The following WWC1 variants were observed in gnomAD, a reference collection of about 807,000 sequenced individuals.
The protein encoded by WWC1 is WW and C2 domain containing 1.
In WWC1, 55 loss-of-function variants were observed where a neutral mutation model predicts 138.4. The ratio of observed to expected loss-of-function variants is 0.40; its 90% confidence interval spans 0.32 to 0.50. The LOEUF (loss-of-function observed/expected upper bound fraction) is 0.50. WWC1 is among the 20% of genes least tolerant of loss of function. WWC1 has a pLI of 0.72. For missense variants in WWC1, 1,226 were observed against 1,420.4 expected, an observed-to-expected ratio of 0.86 and a Z score of 2.20; for synonymous variants, 524 against 564.9, an observed-to-expected ratio of 0.93 and a Z score of 1.03.
intron 1 of WWC1, among the ~76,000 whole-genome samples, chr5:168,313,130 T>A (rs549347171): frequency 2.2e-5 from 3 of 137,220 alleles, no homozygotes; most frequent in Non-Finnish European, 3.3e-5. Flanking sequence ...TTCTCAGAAC[T>A]TTGAAAGTAA....
At chr5:168,434,102 G>A (rs1782154062) in intron 15 of WWC1, among the ~76,000 whole-genome samples, 1 of 152,252 alleles carries the variant, frequency 6.6e-6, no homozygotes, top group South Asian at 2.1e-4. Context: ...CTCCAGCGAA[G>A]CATTCCCTTG....
chr5:168,333,025 A>T (rs913341498), intron 1 of WWC1, among the ~76,000 whole-genome samples: 2 of 152,112 alleles, frequency 1.3e-5, no homozygotes, highest in African/African-American at 4.8e-5. Context: ...CACTTTTATT[A>T]AAAATGGTGG....
At chr5:168,434,796 C>T (rs758325970) in intron 15 of WWC1, among the ~76,000 whole-genome samples, 2 of 152,240 alleles carry the variant, frequency 1.3e-5, no homozygotes, top group Non-Finnish European at 2.9e-5. Flanking sequence ...CACAGGGAGC[C>T]TAGTTGCCCA....
intron 5 of WWC1, among the ~76,000 whole-genome samples, chr5:168,400,025 A>G (rs1032275317): frequency 6.6e-6 from 1 of 152,170 alleles, no homozygotes; most frequent in East Asian, 1.9e-4. Context: ...GCAAAAACCA[A>G]TTACTAGAAA....
chr5:168,372,528 G>T (rs1300712486), intron 2 of WWC1, among the ~76,000 whole-genome samples: 1 of 152,208 alleles, frequency 6.6e-6, no homozygotes, highest in African/African-American at 2.4e-5. Flanking sequence ...TGAGCACACA[G>T]TCTGTGCCGT....
At chr5:168,297,550 C>T (rs927562041) in intron 1 of WWC1, among the ~76,000 whole-genome samples, 67 of 148,134 alleles carry the variant, frequency 4.5e-4, no homozygotes, top group Admixed American at 3.7e-3. Context: ...CGCTTGAATC[C>T]GGGAGGTGGA....
intron 1 of WWC1, among the ~76,000 whole-genome samples, chr5:168,349,873 C>T (rs1273753314): frequency 1.3e-5 from 2 of 152,132 alleles, no homozygotes; most frequent in African/African-American, 2.4e-5. Context: ...CTTAAGTAAC[C>T]GTTTGTTTCC....
chr5:168,428,670 A>G (rs1387002005), intron 12 of WWC1, 37 bp from the exon 13 acceptor site: 2 of 1,604,018 alleles, frequency 1.2e-6, no homozygotes, highest in Non-Finnish European at 1.7e-6. Flanking sequence ...TGTTCACTGT[A>G]GGGAAGCCTA....
At chr5:168,381,855 A>G (rs1777660636) in intron 2 of WWC1, among the ~76,000 whole-genome samples, 1 of 150,628 alleles carries the variant, frequency 6.6e-6, no homozygotes, top group Non-Finnish European at 1.5e-5. Context: ...AAAAAAAAAA[A>G]GCAATTTCAC....
intron 1 of WWC1, among the ~76,000 whole-genome samples, chr5:168,366,568 A>AT (rs777416825): frequency 2.0e-5 from 3 of 152,170 alleles, no homozygotes; most frequent in Non-Finnish European, 4.4e-5. Flanking sequence ...TGCAAGTGGA[A>AT]TCAGCATTGT....
chr5:168,344,303 G>A (rs1383967618), intron 1 of WWC1, among the ~76,000 whole-genome samples: 1 of 152,182 alleles, frequency 6.6e-6, no homozygotes, highest in Non-Finnish European at 1.5e-5. Flanking sequence ...TGTCTTCCCT[G>A]TGCTTGAGAG....
chr5:168,303,693 A>G (rs1322607616), intron 1 of WWC1, among the ~76,000 whole-genome samples: 1 of 152,162 alleles, frequency 6.6e-6, no homozygotes, highest in African/African-American at 2.4e-5. Context: ...TAGAATGTAT[A>G]GAATTTGTAT....
chr5:168,298,688 C>T (rs954899748), intron 1 of WWC1, among the ~76,000 whole-genome samples: 3 of 152,216 alleles, frequency 2.0e-5, no homozygotes, highest in African/African-American at 7.2e-5. Flanking sequence ...TGTTTACTCT[C>T]TGCTGCCCAC....
At chr5:168,402,877 G>A (rs1442373871) in intron 5 of WWC1, among the ~76,000 whole-genome samples, 2 of 152,038 alleles carry the variant, frequency 1.3e-5, no homozygotes, top group Non-Finnish European at 2.9e-5. Flanking sequence ...CTACTTCTGT[G>A]CCTACCCTGC....
Position 168,422,064 on chromosome 5 carries a change from G to A in WWC1, c.1241G>A (p.Arg414Gln), listed in dbSNP as rs564559426. Residue 414 changes from arginine (R) to glutamine (Q), a missense_variant, in exon 10 of 23, where the codon CGG becomes CAG. Arg to Gln is a conservative substitution (Grantham distance 43). Around this residue, in one of 3 missense-constraint regions of WWC1, gnomAD observed 1,016 missense variants for 1,153.9 expected, o/e 0.88. Transcript: ENST00000265293. ...QLVRELEEAT[R>Q]QVATLHSQLK... is the part of the protein sequence containing the mutation. ...GTGAGAGAACTGGAGGAAGCCACCC[G>A]GCAGGTGGCAACTCTGCACTCCCAG... 2.7e-5 allele frequency: 44 copies of A among 1,612,684 alleles called. No homozygotes were observed. Among genetic ancestry groups the A allele is most frequent in the South Asian group, 3.3e-5 (3 of 90,840 alleles).
chr5:168,408,243 CA>C (rs375573554), intron 6 of WWC1, among the ~76,000 whole-genome samples: 28 of 152,174 alleles, frequency 1.8e-4, no homozygotes, highest in African/African-American at 6.7e-4. Flanking sequence ...TGGGAAGCAG[CA>C]GAGCAGGGAT....
chr5:168,296,596 G>C (rs924128194), intron 1 of WWC1, among the ~76,000 whole-genome samples: 1 of 152,186 alleles, frequency 6.6e-6, no homozygotes, highest in African/African-American at 2.4e-5. Flanking sequence ...AAGGCCTCCT[G>C]TTTAGCTAGG....
intron 1 of WWC1, among the ~76,000 whole-genome samples, chr5:168,357,514 G>T (rs557878294): frequency 3.3e-5 from 5 of 150,942 alleles, no homozygotes; most frequent in Non-Finnish European, 7.4e-5. Flanking sequence ...ACGCATGCAC[G>T]TGCGTGCATG....
intron 11 of WWC1, among the ~76,000 whole-genome samples, chr5:168,427,027 T>G (rs1781556580): frequency 6.6e-6 from 1 of 152,166 alleles, no homozygotes; most frequent in Non-Finnish European, 1.5e-5. Flanking sequence ...CAAGGGCCCC[T>G]GTTAAGGTTA....
Sources: gnomAD v4.1 joint callset for allele counts (sites outside exome capture counted in the v4.1 genomes callset) on GRCh38, gnomAD v4.1.1 for gene constraint, gnomAD v4.1.1 regional missense constraint, MANE v1.5 for transcripts, NCBI Gene and HGNC (gene_info 2026-07-23, HGNC 2026-07-21) for gene names.